The following TNS1 variants were observed in gnomAD, a reference collection of about 807,000 sequenced individuals.
TNS1 encodes the protein tensin 1.
Under a neutral mutation model 168.6 loss-of-function variants are expected in TNS1, and 62 were observed. The observed-to-expected ratio is 0.37, with a 90% CI of 0.30 to 0.45. The LOEUF (loss-of-function observed/expected upper bound fraction) is 0.45, where lower values mean the gene tolerates loss of function less well. Among genes scored for constraint, TNS1 ranks in the 20% least tolerant of loss-of-function variants. TNS1 has a pLI of 1.00. For synonymous variants in TNS1, 934 were observed against 933.2 expected, an observed-to-expected ratio of 1.00 and a Z score of -0.02; for missense variants, 2,240 against 2,339.4, an observed-to-expected ratio of 0.96 and a Z score of 0.88.
intron 3 of TNS1, among the ~76,000 whole-genome samples, chr2:217,945,960 CG>C (rs1957095167): frequency 6.6e-6 from 1 of 152,136 alleles, no homozygotes; most frequent in Admixed American, 6.5e-5. Context: ...AGCAGGTATC[CG>C]GAACAGCAGA....
chr2:217,900,839 A>G lies in TNS1; in HGVS notation c.322-327T>C, dbSNP rs1044448355. 2.6e-4 allele frequency among the ~76,000 whole-genome samples: 40 copies of G among 152,230 alleles called. 1 individual carries two copies. The highest frequency in any genetic ancestry group is 8.9e-4 in the African/African-American group (37 of 41,448). Reference sequence around the variant, plus strand: ...TACTGAATCAATGGAAACACACTTCACTTTGATACACTCGCCAACACAAGA... The same window carrying G: ...TACTGAATCAATGGAAACACACTTCGCTTTGATACACTCGCCAACACAAGA... On this transcript the variant is annotated intron_variant, in intron 6 of 32. Transcript: ENST00000682258.
upstream of TNS1, among the ~76,000 whole-genome samples, chr2:218,014,921 A>AAGGAAGGAAGGC (rs1260656732): frequency 4.2e-3 from 320 of 76,248 alleles, 1 homozygote; most frequent in Middle Eastern, 9.6e-3. Flanking sequence ...GGAAGGAAGG[A>AAGGAAGGAAGGC]AGGCAGGCAG....
intron 1 of TNS1, among the ~76,000 whole-genome samples, chr2:218,023,876 C>T (rs1958830294): frequency 6.6e-6 from 1 of 151,856 alleles, no homozygotes; most frequent in African/African-American, 2.4e-5. Flanking sequence ...AGAGAAGCTT[C>T]TGAAACAGCC....
intron 12 of TNS1, among the ~76,000 whole-genome samples, chr2:217,888,712 T>C (rs919127699): frequency 8.5e-5 from 13 of 152,232 alleles, no homozygotes; most frequent in Admixed American, 3.3e-4. Context: ...CTCTTGTCTG[T>C]CACCATGTGA....
chr2:217,904,556 G>A (rs1055940781), intron 6 of TNS1, among the ~76,000 whole-genome samples: 3 of 152,008 alleles, frequency 2.0e-5, no homozygotes, highest in Admixed American at 6.6e-5. Context: ...AGCTCATTTT[G>A]TCTCTCCTCC....
chr2:217,962,871 C>T (rs1957533489), intron 3 of TNS1, among the ~76,000 whole-genome samples: 1 of 152,130 alleles, frequency 6.6e-6, no homozygotes, highest in South Asian at 2.1e-4. Flanking sequence ...AGAAAAAGGG[C>T]AGTGGTGGGA....
At chr2:218,002,007 C>T (rs1424819228) in intron 1 of TNS1, among the ~76,000 whole-genome samples, 1 of 152,216 alleles carries the variant, frequency 6.6e-6, no homozygotes, top group East Asian at 1.9e-4. Context: ...GCCAAGACAG[C>T]CCCACAGGAG....
At chr2:217,904,558 C>T (rs1953428095) in intron 6 of TNS1, among the ~76,000 whole-genome samples, 1 of 152,162 alleles carries the variant, frequency 6.6e-6, no homozygotes, top group Admixed American at 6.5e-5. Context: ...CTCATTTTGT[C>T]TCTCCTCCCA....
At chr2:217,907,075 G>T (rs1953797385) in intron 5 of TNS1, 135 bp downstream of exon 5, 1 of 624,790 alleles carries the variant, frequency 1.6e-6, no homozygotes, top group East Asian at 2.8e-5. Flanking sequence ...TTCCCTGCAA[G>T]TTCCCCAAAT....
chr2:217,892,213 C>A (rs1176281207), intron 11 of TNS1, among the ~76,000 whole-genome samples: 3 of 152,240 alleles, frequency 2.0e-5, no homozygotes, highest in African/African-American at 7.2e-5. Context: ...GATTCTCCTG[C>A]CTCAGCCTCC....
At chr2:217,928,453 G>A (rs1282382260) in intron 3 of TNS1, among the ~76,000 whole-genome samples, 1 of 152,194 alleles carries the variant, frequency 6.6e-6, no homozygotes, top group African/African-American at 2.4e-5. Context: ...ATAGAGTTCT[G>A]TTTGGACCAG....
chr2:217,937,677 G>A (rs1386567252), intron 3 of TNS1, among the ~76,000 whole-genome samples: 4 of 152,262 alleles, frequency 2.6e-5, no homozygotes, highest in Non-Finnish European at 4.4e-5. Flanking sequence ...AGGCCCCGGG[G>A]AGATGGACTC....
intron 15 of TNS1, 71 bp from the exon 16 acceptor site, chr2:217,885,235 A>G: frequency 1.3e-6 from 2 of 1,598,488 alleles, no homozygotes; most frequent in Non-Finnish European, 1.7e-6. Context: ...GAGCCTCCTT[A>G]TCAGCTCCGC....
chr2:217,997,329 G>A (rs76724399), intron 1 of TNS1, among the ~76,000 whole-genome samples: 3,277 of 152,144 alleles, frequency 0.022, 123 homozygotes, highest in African/African-American at 0.076. Context: ...ATGAGAGCCG[G>A]GGCATTGTTT....
chr2:217,852,946 C>T (rs1947694269), intron 18 of TNS1, among the ~76,000 whole-genome samples: 1 of 152,138 alleles, frequency 6.6e-6, no homozygotes, highest in South Asian at 2.1e-4. Context: ...TTGAGAATAC[C>T]CAGGCTGATC....
At chr2:217,945,959 C>G (rs1278766450) in intron 3 of TNS1, among the ~76,000 whole-genome samples, 1 of 152,122 alleles carries the variant, frequency 6.6e-6, no homozygotes, top group Non-Finnish European at 1.5e-5. Context: ...TAGCAGGTAT[C>G]CGGAACAGCA....
intron 3 of TNS1, among the ~76,000 whole-genome samples, chr2:217,955,949 T>C (rs1437176916): frequency 6.6e-6 from 1 of 152,064 alleles, no homozygotes; most frequent in East Asian, 1.9e-4. Context: ...ATGTCAGGCA[T>C]CTGGGGGTTG....
chr2:217,935,839 C>T (rs1420819845), intron 3 of TNS1, among the ~76,000 whole-genome samples: 1 of 152,258 alleles, frequency 6.6e-6, no homozygotes, highest in Admixed American at 6.5e-5. Context: ...AAGGGAAGCA[C>T]TGGCAGGTCA....
At chr2:217,872,993 C>T (rs1356089209) in intron 18 of TNS1, among the ~76,000 whole-genome samples, 6 of 152,200 alleles carry the variant, frequency 3.9e-5, no homozygotes, top group Admixed American at 3.9e-4. Context: ...GACAAATCTA[C>T]AGAGACAGAA....
Sources: allele counts gnomAD v4.1 joint callset (sites outside exome capture counted in the v4.1 genomes callset), GRCh38; gene constraint gnomAD v4.1.1; transcripts MANE v1.5; gene names NCBI Gene and HGNC (gene_info 2026-07-23, HGNC 2026-07-21).